CCNQ: variants seen among roughly 807,000 people sequenced by gnomAD.
CCNQ encodes cyclin-Q.
A neutral mutation model predicts 17.7 loss-of-function variants in CCNQ; 3 were observed. That is an observed-to-expected ratio of 0.17 (90% confidence interval 0.08 to 0.44). The LOEUF is 0.44. CCNQ is among the 20% of genes least tolerant of loss of function. The pLI is 0.99. For synonymous variants in CCNQ, 73 were observed against 96.0 expected (o/e 0.76, Z 1.40); for missense variants, 146 against 222.6 (o/e 0.66, Z 2.19).
At chrX:153,595,927 G>C in intron 2 of CCNQ, 77 bp downstream of exon 2, 8 of 1,128,086 alleles carry the variant, frequency 7.1e-6, no homozygotes, top group Non-Finnish European at 9.8e-6. Context: ...GCACCTGGTG[G>C]GCAGGGCCCC....
chrX:153,598,245 G>A (rs1419614587), intron 1 of CCNQ, among the ~76,000 whole-genome samples: 2 of 111,458 alleles, frequency 1.8e-5, no homozygotes, highest in Admixed American at 1.9e-4. Flanking sequence ...GTGAAACCCC[G>A]TCTCTACTAA....
rs782240596 is a variant in CCNQ, at chrX:153,592,623, C to A, written c.540G>T (p.Gly180=). The change falls in exon 4 of 5, where the codon GGG becomes GGT. Residue 180 remains glycine (G), a synonymous_variant. Coordinates refer to ENST00000576892, the MANE Select transcript of CCNQ (RefSeq NM_152274.5). ...AWALLRDSYH[G]ALCLRFQAQH... ...GGGCCTGGAAGCGGAGGCACAGCGC[C>A]CCATGGTAGCTGTCCCGCAGCAGGG... 1.7e-6 allele frequency: 2 copies of A among 1,210,081 alleles called. No homozygotes were observed. The highest frequency in any genetic ancestry group is 2.2e-6 in the Non-Finnish European group (2 of 894,862).
Position 153,596,156 on chromosome X carries a change from A to G in CCNQ, c.144T>C (p.Ile48=). Residue 48 remains isoleucine, a synonymous_variant, in exon 2 of 5, where the codon ATT becomes ATC. Transcript: ENST00000576892. ...GVKLGMRSIP[I]ATACTIYHKF... is the part of the protein sequence containing the mutation. ...TATGGTAAATGGTGCAAGCAGTGGC[A>G]ATGGGAATGGACCGCATCCCTAGCT... 8.2e-7 allele frequency: 1 copy of G among 1,212,282 alleles called. No individual in the cohort carries two copies. The highest frequency in any genetic ancestry group is 2.3e-4 in the Middle Eastern group (1 of 4,355).
At position 153,598,935 on chromosome X, in the gene CCNQ, G is replaced by A; in HGVS notation, c.112+27C>T. The A allele has an allele frequency of 2.8e-6, 3 of 1,086,008 alleles. No individual in the cohort carries two copies. In the South Asian group the frequency reaches 6.1e-5, roughly 22 times the overall value. 89.5% of individuals were successfully genotyped at this position (1,086,008 alleles called of 1,213,427 possible). ...CGCGAAGCGGGCCGCGGCGCCGCCT[G>A]TCCTGGCCTCCCCCGGCCGCGGTTA... On this transcript the variant is annotated intron_variant, in intron 1 of 4. Transcript: ENST00000576892.
Position 153,588,415 on chromosome X carries a change from T to C in CCNQ, c.697A>G (p.Ile233Val). The change falls in exon 5 of 5, where the codon ATT becomes GTT. Residue 233 changes from isoleucine to valine, a missense_variant. Transcript: ENST00000576892. ...DDLTKPIIDN[I>V]VSDLIQIYTM... is the part of the protein sequence containing the mutation. ...TAAATCTGAATGAGATCAGACACAA[T>C]ATTATCAATGATTGGCTTGGTAAGG... The C allele has an allele frequency of 8.3e-7, 1 of 1,210,661 alleles. No homozygotes were observed. Among genetic ancestry groups the C allele is most frequent in the Non-Finnish European group, 1.1e-6 (1 of 894,279 alleles).
intron 4 of CCNQ, among the ~76,000 whole-genome samples, chrX:153,591,344 C>T (rs1557025731): frequency 8.9e-6 from 1 of 112,057 alleles, no homozygotes; most frequent in African/African-American, 3.3e-5. Flanking sequence ...GTAACTTCTT[C>T]CCAGTCTGAA....
chrX:153,596,743 G>A (rs1479723179), intron 1 of CCNQ, among the ~76,000 whole-genome samples: 2 of 112,576 alleles, frequency 1.8e-5, no homozygotes, highest in African/African-American at 6.5e-5. Flanking sequence ...GGTGAGCAAA[G>A]CAAGCAGCGT....
rs57178664 is a variant in CCNQ at position 153,594,311 on chromosome X, C to G, written c.429+236G>C. 6.7e-3 allele frequency among the ~76,000 whole-genome samples: 758 copies of G among 112,684 alleles called. 4 individuals carry two copies. Among genetic ancestry groups the G allele is most frequent in the African/African-American group, 0.024 (733 of 31,063 alleles). On this transcript the variant is annotated intron_variant, in intron 3 of 4. Transcript: ENST00000576892. ...CGGACCCCGCCCACAGGTGAGCAGGCAGAAAGGCAGAAGCTGAAATGAGAA... is the reference window on the plus strand; with the variant it reads ...CGGACCCCGCCCACAGGTGAGCAGGGAGAAAGGCAGAAGCTGAAATGAGAA...
In CCNQ at chrX:153,596,095, G is replaced by T; in HGVS notation, c.205C>A (p.Pro69Thr). Residue 69 changes from proline (P) to threonine (T), a missense_variant, in exon 2 of 5, where the codon CCT becomes ACT. Coordinates refer to ENST00000576892, the MANE Select transcript of CCNQ (RefSeq NM_152274.5). ...FCETNLDAYD[P>T]YLIAMSSIYL... ...ATTGAAGACATGGCAATCAGGTAAG[G>T]GTCATAGGCGTCCAGGTTGGTCTCG... 6.6e-6 allele frequency: 8 copies of T among 1,212,177 alleles called. No homozygotes were observed. Among genetic ancestry groups the T allele is most frequent in the Non-Finnish European group, 8.9e-6 (8 of 895,553 alleles).
intron 3 of CCNQ, 38 bp downstream of exon 3, chrX:153,594,509 G>A (rs1557026517): frequency 2.5e-6 from 3 of 1,206,453 alleles, no homozygotes; most frequent in Admixed American, 4.3e-5. Flanking sequence ...ACCATGGCTT[G>A]AGCCTCTCCA....
At chrX:153,591,814 G>C (rs2090993567) in intron 4 of CCNQ, among the ~76,000 whole-genome samples, 1 of 108,992 alleles carries the variant, frequency 9.2e-6, no homozygotes, top group African/African-American at 3.3e-5. Flanking sequence ...AGGCGCGGGA[G>C]ACTGGGGAAG....
chrX:153,596,804 C>T (rs782599830), intron 1 of CCNQ, among the ~76,000 whole-genome samples: 186 of 112,125 alleles, frequency 1.7e-3, no homozygotes, highest in African/African-American at 5.7e-3. Context: ...ATGTTTATGG[C>T]CACAGCCAGG....
In CCNQ at chrX:153,594,653, A is replaced by G; in HGVS notation, c.323T>C (p.Leu108Pro). ...NRYFNPSGEP[L>P]ELDSRFWELR... ...TTCCCAGAAGCGGGAGTCCAATTCC[A>G]GGGGCTCACCGCTTGGGTTAAAGTA... Residue 108 changes from leucine to proline, a missense_variant, in exon 3 of 5, where the codon CTG becomes CCG. Physicochemically the swap from Leu to Pro is moderately conservative, Grantham distance 98. Coordinates refer to ENST00000576892, the MANE Select transcript of CCNQ (RefSeq NM_152274.5). The G allele has an allele frequency of 8.3e-7, 1 of 1,211,657 alleles. No individual in the cohort carries two copies. Among genetic ancestry groups the G allele is most frequent in the Non-Finnish European group, 1.1e-6 (1 of 895,381 alleles).
intron 4 of CCNQ, among the ~76,000 whole-genome samples, chrX:153,590,510 G>C (rs1186289352): frequency 2.7e-5 from 3 of 111,056 alleles, no homozygotes; most frequent in Non-Finnish European, 5.7e-5. Flanking sequence ...GGTGCCAGGA[G>C]CTTGGGGGTG....
rs1176502397 is a variant in CCNQ, at chrX:153,594,197, C to G, written c.429+350G>C. Among the ~76,000 whole-genome samples, 3 of 112,605 alleles carry G rather than the reference C, an allele frequency of 2.7e-5. No individual in the cohort carries two copies. In the East Asian group the frequency reaches 8.4e-4, roughly 31 times the overall value. On this transcript the variant is annotated intron_variant, in intron 3 of 4. Coordinates refer to ENST00000576892, the MANE Select transcript of CCNQ (RefSeq NM_152274.5). ...ATCCCCTGGGGACGGGGACTCTGGCCGGTCACAAAACCAGCCTGCTTCCCC... is the reference window on the plus strand; with the variant it reads ...ATCCCCTGGGGACGGGGACTCTGGCGGGTCACAAAACCAGCCTGCTTCCCC...
chrX:153,598,150 T>A (rs782505872), intron 1 of CCNQ, among the ~76,000 whole-genome samples: 11 of 111,114 alleles, frequency 9.9e-5, no homozygotes, highest in Admixed American at 4.8e-4. Flanking sequence ...ACGAGGTAGC[T>A]CACGCCTGTA....
In CCNQ at chrX:153,590,483, A is replaced by AGAC. The variant is rs782406323; in HGVS notation, c.657+2022_657+2023insGTC. On this transcript the variant is annotated intron_variant, in intron 4 of 4. Coordinates refer to ENST00000576892, the MANE Select transcript of CCNQ (RefSeq NM_152274.5). ...CAAAGGAGAGCCGTGAACTCTGTAGAGGACAGTGGAAGGTTGGGTGCCAGG... is the reference window on the plus strand; with the variant it reads ...CAAAGGAGAGCCGTGAACTCTGTAGAGACGGACAGTGGAAGGTTGGGTGCCAGG... Among the ~76,000 whole-genome samples, 79 of 110,028 alleles carry AGAC rather than the reference A, an allele frequency of 7.2e-4. 1 individual carries two copies. Among genetic ancestry groups the AGAC allele is most frequent in the South Asian group, 4.7e-3 (12 of 2,562 alleles).
At chrX:153,596,335 G>T in intron 1 of CCNQ, 148 bp from the exon 2 acceptor site, 1 of 594,661 alleles carries the variant, frequency 1.7e-6, no homozygotes. Flanking sequence ...CTCCTGCTGG[G>T]TCTCTTACTG....
chrX:153,594,286 C>T (rs1446198828), intron 3 of CCNQ, among the ~76,000 whole-genome samples: 1 of 112,579 alleles, frequency 8.9e-6, no homozygotes, highest in African/African-American at 3.2e-5. Flanking sequence ...GCGGGCAGCA[C>T]GGACCCCGCC....
Sources: gnomAD v4.1 joint callset for allele counts (sites outside exome capture counted in the v4.1 genomes callset) on GRCh38, gnomAD v4.1.1 for gene constraint, MANE v1.5 for transcripts, NCBI Gene and HGNC (gene_info 2026-07-23, HGNC 2026-07-21) for gene names.